ATG14: variants seen among roughly 807,000 people sequenced by gnomAD.
ATG14 encodes the protein beclin 1-associated autophagy-related key regulator.
Under a neutral mutation model 60.4 loss-of-function variants are expected in ATG14, and 35 were observed. The ratio of observed to expected loss-of-function variants is 0.58; its 90% CI spans 0.44 to 0.77. The LOEUF (loss-of-function observed/expected upper bound fraction) is 0.77. Ranked by LOEUF, ATG14 falls within the 30% of genes least tolerant of loss-of-function variation. The pLI, the probability that ATG14 is intolerant of heterozygous loss-of-function variation, is 0.00. For missense variants in ATG14, 647 were observed against 626.3 expected, an observed-to-expected ratio of 1.03 and a Z score of -0.35; for synonymous variants, 234 against 228.8, an observed-to-expected ratio of 1.02 and a Z score of -0.21.
intron 3 of ATG14, 74 bp downstream of exon 3, chr14:55,395,866 A>T: frequency 8.9e-7 from 1 of 1,128,888 alleles, no homozygotes; most frequent in African/African-American, 1.6e-5. Flanking sequence ...AATTTTAATT[A>T]AAAATAATTT....
At chr14:55,400,880 G>A (rs1885386483) in intron 1 of ATG14, among the ~76,000 whole-genome samples, 1 of 150,476 alleles carries the variant, frequency 6.6e-6, no homozygotes, top group African/African-American at 2.5e-5. Flanking sequence ...CTCCAGCCTG[G>A]GTGACAGAGT....
intron 7 of ATG14, among the ~76,000 whole-genome samples, chr14:55,378,323 A>G (rs191485718): frequency 4.6e-5 from 7 of 152,334 alleles, no homozygotes; most frequent in Admixed American, 3.3e-4. Flanking sequence ...TTCTACACAA[A>G]TATCTGCACA....
At chr14:55,375,118 ACTC>A (rs1164066774) in intron 9 of ATG14, among the ~76,000 whole-genome samples, 9 of 152,046 alleles carry the variant, frequency 5.9e-5, no homozygotes, top group South Asian at 2.1e-4. Flanking sequence ...TTTCAGCTCC[ACTC>A]CTCATACGGT....
chr14:55,378,149 C>A, intron 7 of ATG14, 75 bp from the exon 8 acceptor site: 2 of 1,288,558 alleles, frequency 1.6e-6, no homozygotes, highest in Non-Finnish European at 2.2e-6. Context: ...ATTTACAGTA[C>A]AATTAGGTAT....
At position 55,407,625 on chromosome 14, in the gene ATG14, TCTGCTACCTGCTGCTGCTGGG is replaced by T. The variant is rs550859047; in HGVS notation, c.221+3956_221+3976del. Among the ~76,000 whole-genome samples, 355 of 152,326 alleles carry T rather than the reference TCTGCTACCTGCTGCTGCTGGG, an allele frequency of 2.3e-3. 2 individuals are homozygous for T. Among genetic ancestry groups the T allele is most frequent in the Admixed American group, 5.6e-3 (86 of 15,306 alleles). ...CATTCCTTCAACAACATGCCTAAGT[TCTGCTACCTGCTGCTGCTGGG>T]CTGGTGATCTGAAAGAACAAGACCA... is the stretch of plus-strand genomic sequence containing the variant. On this transcript the variant is annotated intron_variant, in intron 1 of 9. Transcript: ENST00000247178.
At chr14:55,400,860 C>T (rs576373081) in intron 1 of ATG14, among the ~76,000 whole-genome samples, 12 of 151,568 alleles carry the variant, frequency 7.9e-5, no homozygotes, top group Admixed American at 5.9e-4. Context: ...GCTGAGATTA[C>T]GTCACTGCAC....
At chr14:55,371,522 T>A (rs1251414007) in intron 9 of ATG14, among the ~76,000 whole-genome samples, 1 of 152,080 alleles carries the variant, frequency 6.6e-6, no homozygotes, top group Non-Finnish European at 1.5e-5. Flanking sequence ...CAAGAGCCCC[T>A]CAGGCCGGGC....
At chr14:55,387,296 C>G (rs1459157034) in intron 4 of ATG14, among the ~76,000 whole-genome samples, 1 of 152,178 alleles carries the variant, frequency 6.6e-6, no homozygotes, top group Non-Finnish European at 1.5e-5. Flanking sequence ...CAACATATTT[C>G]AAATCCTTTC....
rs1884696635 is a variant in ATG14 at position 55,367,117 on chromosome 14, A to G, written c.*2502T>C. On this transcript the variant is annotated 3_prime_UTR_variant, in exon 10 of 10. Transcript: ENST00000247178. ...AAATTTTGTGGAAGTACTCTAGATG[A>G]GTTTGTGATCTCTGGATTCTATTCT... 6.6e-6 allele frequency: 1 copy of G among 152,522 alleles called. No individual in the cohort carries two copies. Among genetic ancestry groups the G allele is most frequent in the Non-Finnish European group, 1.5e-5 (1 of 68,034 alleles). 9.4% of individuals were successfully genotyped at this position (152,522 alleles called of 1,614,324 possible). A position where few individuals can be genotyped will look rare whatever the true frequency, so the allele number is the denominator to read the frequency against.
At chr14:55,376,109 G>A (rs961768383) in intron 9 of ATG14, among the ~76,000 whole-genome samples, 4 of 152,176 alleles carry the variant, frequency 2.6e-5, no homozygotes, top group Non-Finnish European at 5.9e-5. Context: ...CTACTGTGGA[G>A]TCAGCCAGGT....
chr14:55,381,224 C>G (rs921813183), intron 6 of ATG14, among the ~76,000 whole-genome samples: 22 of 152,166 alleles, frequency 1.4e-4, no homozygotes, highest in African/African-American at 5.1e-4. Flanking sequence ...CAGCACCCAG[C>G]AATGTGCATG....
In ATG14 at chr14:55,380,875, A is replaced by ATATTT. The variant is rs377330757; in HGVS notation, c.878-186_878-185insAAATA. ...TGTGTGTATATATATATATATATAT[A>ATATTT]TTTTTTTTTTTTTTTTTGCTGAGAG... On this transcript the variant is annotated intron_variant, in intron 6 of 9. Coordinates refer to ENST00000247178, the MANE Select transcript of ATG14 (RefSeq NM_014924.5). 2.0e-3 allele frequency among the ~76,000 whole-genome samples: 229 copies of ATATTT among 112,686 alleles called. 3 individuals are homozygous for ATATTT. Among genetic ancestry groups the ATATTT allele is most frequent in the African/African-American group, 7.7e-3 (203 of 26,286 alleles). 73.9% of individuals were successfully genotyped at this position (112,686 alleles called of 152,430 possible). A position where few individuals can be genotyped will look rare whatever the true frequency, so the allele number is the denominator to read the frequency against.
chr14:55,386,912 T>C (rs1885134782), intron 4 of ATG14, among the ~76,000 whole-genome samples: 1 of 152,154 alleles, frequency 6.6e-6, no homozygotes, highest in Non-Finnish European at 1.5e-5. Context: ...ATCAAGTTCA[T>C]TATTTTTCCA....
chr14:55,372,226 T>C (rs1884836164), intron 9 of ATG14, among the ~76,000 whole-genome samples: 1 of 152,106 alleles, frequency 6.6e-6, no homozygotes, highest in Non-Finnish European at 1.5e-5. Flanking sequence ...CCTGTTATCA[T>C]TAAATAAGCC....
Position 55,385,928 on chromosome 14 carries a change from AG to A in ATG14, c.577del (p.Leu193PhefsTer7). On this transcript the variant is annotated frameshift_variant, in exon 5 of 10. Transcript: ENST00000247178. LOFTEE classifies it high-confidence loss of function. ...GAGCTCTAATATATGGGATCGTCGAAGATTTGCCAGACGCTCATAATGACTT... is the reference window on the plus strand; with the variant it reads ...GAGCTCTAATATATGGGATCGTCGAAATTTGCCAGACGCTCATAATGACTT... ...LRSHYERLAN[L>X]RRSHILELTS... 3 of 1,614,178 alleles carry A rather than the reference AG, an allele frequency of 1.9e-6. No homozygotes were observed. Among genetic ancestry groups the A allele is most frequent in the Non-Finnish European group, 2.5e-6 (3 of 1,180,032 alleles).
chr14:55,400,020 A>C (rs374980608), intron 1 of ATG14, among the ~76,000 whole-genome samples: 2 of 152,240 alleles, frequency 1.3e-5, no homozygotes, highest in Admixed American at 1.3e-4. Context: ...CAAAAACAGC[A>C]ATTACTTTTG....
Position 55,380,492 on chromosome 14 carries a change from G to T in ATG14, c.995+81C>A, listed in dbSNP as rs1193686975. 13 of 862,870 alleles carry T rather than the reference G, an allele frequency of 1.5e-5. No individual in the cohort carries two copies. The East Asian group carries it at 2.3e-4, about 15-fold the overall frequency. The allele number at this position is 862,870 out of a possible 1,614,324, so 53.5% of individuals were successfully genotyped here. On this transcript the variant is annotated intron_variant, in intron 7 of 9. Transcript: ENST00000247178. ...TGGTAATACTTACATTCTTATTTTT[G>T]GTTTATTGGAATAAATAAAGACAAA...
In ATG14 at chr14:55,368,970, AAAG is replaced by A. The variant is rs1299546507; in HGVS notation, c.*646_*648del. ...TCTTCCATTTATGGATGTGGGTCCT[AAAG>A]AAAAAGACTTTCATTTTCTTTGGTG... On this transcript the variant is annotated 3_prime_UTR_variant, in exon 10 of 10. Coordinates refer to ENST00000247178, the MANE Select transcript of ATG14 (RefSeq NM_014924.5). 1.3e-5 allele frequency: 2 copies of A among 152,604 alleles called. No individual in the cohort carries two copies. The highest frequency in any genetic ancestry group is 2.4e-5 in the African/African-American group (1 of 41,454). 9.5% of individuals were successfully genotyped at this position (152,604 alleles called of 1,614,324 possible).
At chr14:55,396,527 T>G (rs1402603262) in intron 2 of ATG14, among the ~76,000 whole-genome samples, 1 of 152,194 alleles carries the variant, frequency 6.6e-6, no homozygotes, top group African/African-American at 2.4e-5. Flanking sequence ...TAGAGAAGCT[T>G]GGGTTACACT....
Sources: allele counts gnomAD v4.1 joint callset (sites outside exome capture counted in the v4.1 genomes callset), GRCh38; gene constraint gnomAD v4.1.1; transcripts MANE v1.5; gene names NCBI Gene and HGNC (gene_info 2026-07-23, HGNC 2026-07-21).